NINJ2: variants seen among roughly 807,000 people sequenced by gnomAD.
NINJ2 encodes ninjurin-2.
In NINJ2, 12 loss-of-function variants were observed where a neutral mutation model predicts 11.7. The observed-to-expected ratio is 1.02, with a 90% CI of 0.66 to 1.66. The LOEUF (loss-of-function observed/expected upper bound fraction) is 1.66. Among genes scored for constraint, NINJ2 ranks in the 40% most tolerant of loss-of-function variants. NINJ2 has a pLI of 0.00. For missense variants in NINJ2, 187 were observed against 181.8 expected (o/e 1.03, Z -0.16); for synonymous variants, 93 against 76.8 (o/e 1.21, Z -1.10).
At chr12:603,716 A>G (rs1011811385) in intron 1 of NINJ2, among the ~76,000 whole-genome samples, 5 of 151,880 alleles carry the variant, frequency 3.3e-5, no homozygotes, top group Admixed American at 2.6e-4. Flanking sequence ...GCTGGAGTAT[A>G]GTGGTGCAAT....
chr12:653,873 T>C (rs1186318248), intron 1 of NINJ2, among the ~76,000 whole-genome samples: 2 of 152,190 alleles, frequency 1.3e-5, no homozygotes. Context: ...AACTGTATGT[T>C]GTCTACAAGA....
chr12:578,618 G>A (rs748006883), intron 1 of NINJ2, among the ~76,000 whole-genome samples: 5 of 152,282 alleles, frequency 3.3e-5, no homozygotes, highest in East Asian at 3.9e-4. Context: ...ACACCCGGCC[G>A]AGAGCACCCA....
chr12:611,227 T>TC (rs1482517164), intron 1 of NINJ2, among the ~76,000 whole-genome samples: 1 of 143,946 alleles, frequency 6.9e-6, no homozygotes, highest in Non-Finnish European at 1.5e-5. Context: ...CTTTCTTTCT[T>TC]TTTCTTTCTT....
At chr12:609,010 G>C (rs565266344) in intron 1 of NINJ2, among the ~76,000 whole-genome samples, 38 of 152,042 alleles carry the variant, frequency 2.5e-4, no homozygotes, top group Admixed American at 1.0e-3. Context: ...GCACATACAC[G>C]GCGCCACGCT....
intron 1 of NINJ2, chr12:644,494 G>A (rs566386594): frequency 6.6e-6 from 1 of 152,356 alleles, no homozygotes; most frequent in Admixed American, 6.5e-5. Context: ...GGGCAAGGAG[G>A]GAGGGGAGAA....
At chr12:597,245 T>G (rs1219777996) in intron 1 of NINJ2, among the ~76,000 whole-genome samples, 1 of 152,218 alleles carries the variant, frequency 6.6e-6, no homozygotes, top group Non-Finnish European at 1.5e-5. Context: ...TTCCCCCTTC[T>G]GTGCCTCAGT....
intron 1 of NINJ2, among the ~76,000 whole-genome samples, chr12:636,166 C>T (rs1399533350): frequency 2.0e-5 from 3 of 151,520 alleles, no homozygotes; most frequent in Admixed American, 6.6e-5. Context: ...TACCTTAGGT[C>T]GGGAGTTCGA....
intron 1 of NINJ2, among the ~76,000 whole-genome samples, chr12:642,248 A>G (rs1048967665): frequency 6.6e-6 from 1 of 152,182 alleles, no homozygotes; most frequent in African/African-American, 2.4e-5. Context: ...CAGAAGTGGT[A>G]GTTTGTTTGT....
intron 1 of NINJ2, chr12:632,074 G>A (rs1363252868): frequency 6.6e-6 from 1 of 152,154 alleles, no homozygotes; most frequent in African/African-American, 2.4e-5. Flanking sequence ...GCAATTTGTG[G>A]GTGGACTATT....
Position 657,500 on chromosome 12 carries a change from G to A in NINJ2, c.33+5828C>T, listed in dbSNP as rs145229767. 2.0e-5 allele frequency among the ~76,000 whole-genome samples: 3 copies of A among 152,190 alleles called. No individual in the cohort carries two copies. The East Asian group carries it at 5.8e-4, about 29-fold the overall frequency. On this transcript the variant is annotated intron_variant, in intron 1 of 3. Coordinates refer to ENST00000305108, the MANE Select transcript of NINJ2 (RefSeq NM_016533.6). ...GCTACTCAGGAGGCTGAGGCAGGAG[G>A]ATCGCTTGAACCCGGGAAGCAGAGG...
At chr12:622,188 G>A (rs932292391) in intron 1 of NINJ2, among the ~76,000 whole-genome samples, 6 of 149,778 alleles carry the variant, frequency 4.0e-5, no homozygotes, top group African/African-American at 1.2e-4. Flanking sequence ...CTGGGAGGCC[G>A]AGGCGGGCGG....
At chr12:643,766 C>T in intron 1 of NINJ2, 1 of 744,490 alleles carries the variant, frequency 1.3e-6, no homozygotes, top group Non-Finnish European at 1.6e-6. Flanking sequence ...TGGGAGCAGT[C>T]AGTCTACTCT....
chr12:629,916 T>TATATAC (rs1555166157), intron 1 of NINJ2, among the ~76,000 whole-genome samples: 3 of 72,990 alleles, frequency 4.1e-5, no homozygotes, highest in Middle Eastern at 9.8e-3. Context: ...TATATATATA[T>TATATAC]ATATATGAAG....
chr12:635,563 CCATATACAGAAA>C (rs1295475546), intron 1 of NINJ2, among the ~76,000 whole-genome samples: 1 of 152,188 alleles, frequency 6.6e-6, no homozygotes, highest in African/African-American at 2.4e-5. Flanking sequence ...TTACCTTATG[CCATATACAGAAA>C]CTAACTCAAA....
intron 1 of NINJ2, among the ~76,000 whole-genome samples, chr12:651,288 G>A (rs956541624): frequency 6.6e-6 from 1 of 152,016 alleles, no homozygotes; most frequent in African/African-American, 2.4e-5. Context: ...TATTTAACCA[G>A]AGCCAAACTT....
chr12:627,007 C>G (rs1454467968), intron 1 of NINJ2, among the ~76,000 whole-genome samples: 1 of 152,044 alleles, frequency 6.6e-6, no homozygotes, highest in Non-Finnish European at 1.5e-5. Flanking sequence ...GTTGTCTGAG[C>G]CTAGGAGTTC....
intron 1 of NINJ2, among the ~76,000 whole-genome samples, chr12:631,847 G>A (rs1565642468): frequency 1.3e-5 from 2 of 152,212 alleles, no homozygotes; most frequent in Admixed American, 6.5e-5. Context: ...GAAACTCCTG[G>A]AAGGCTAGAT....
intron 1 of NINJ2, among the ~76,000 whole-genome samples, chr12:594,662 GA>G (rs1947759345): frequency 3.3e-5 from 5 of 152,030 alleles, no homozygotes; most frequent in African/African-American, 9.7e-5. Flanking sequence ...AAAAAAGGAA[GA>G]AAAGGAAGAA....
intron 1 of NINJ2, among the ~76,000 whole-genome samples, chr12:626,869 T>G (rs905489715): frequency 7.2e-5 from 11 of 152,182 alleles, no homozygotes. Flanking sequence ...GAGGATTGCT[T>G]GAGCCCAGGA....
Sources: allele counts gnomAD v4.1 joint callset (sites outside exome capture counted in the v4.1 genomes callset), GRCh38; gene constraint gnomAD v4.1.1; transcripts MANE v1.5; gene names NCBI Gene and HGNC (gene_info 2026-07-23, HGNC 2026-07-21).